MYH11: variants seen among roughly 807,000 people sequenced by gnomAD.
The protein encoded by MYH11 is myosin heavy chain 11, also known as myosin-11.
Under a neutral mutation model 246.6 loss-of-function variants are expected in MYH11, and 80 were observed. That is an observed-to-expected ratio of 0.32 (90% confidence interval 0.27 to 0.39). The LOEUF is 0.39. MYH11 is among the 10% of genes least tolerant of loss of function. MYH11 has a pLI of 1.00. For missense variants in MYH11, 2,158 were observed against 2,546.8 expected, an observed-to-expected ratio of 0.85 and a Z score of 3.29; for synonymous variants, 1,071 against 1,015.5, an observed-to-expected ratio of 1.05 and a Z score of -1.04.
chr16:15,833,385 G>GGAAGGAAGGAAGGA (rs1567208143), intron 2 of MYH11, among the ~76,000 whole-genome samples: 59 of 110,598 alleles, frequency 5.3e-4, no homozygotes, highest in African/African-American at 1.7e-3. Flanking sequence ...GGGAGGGAGG[G>GGAAGGAAGGAAGGA]AGGAAGGAAG....
chr16:15,716,588 C>G (rs1366184539), intron 38 of MYH11, among the ~76,000 whole-genome samples: 1 of 152,098 alleles, frequency 6.6e-6, no homozygotes, highest in African/African-American at 2.4e-5. Context: ...GTGGCACAAT[C>G]TCGGCTCACT....
intron 12 of MYH11, 59 bp downstream of exon 12, chr16:15,759,517 A>G (rs2041816926): frequency 1.2e-6 from 2 of 1,612,474 alleles, no homozygotes; most frequent in Non-Finnish European, 1.7e-6. Flanking sequence ...GACTCCTCCA[A>G]GAAAAAGCCC....
Position 15,721,144 on chromosome 16 carries a change from G to T in MYH11, c.4579-93C>A, listed in dbSNP as rs1012733504. Reference sequence around the variant, plus strand: ...GTGAGCGGCACCTCAGGAGATCAGGGAGGTGGCTTTGGCCTCCCACAGGAT... The same window carrying T: ...GTGAGCGGCACCTCAGGAGATCAGGTAGGTGGCTTTGGCCTCCCACAGGAT... On this transcript the variant is annotated intron_variant, in intron 32 of 40. Coordinates refer to ENST00000300036, the MANE Select transcript of MYH11 (RefSeq NM_002474.3). The T allele has an allele frequency of 7.7e-6, 11 of 1,431,288 alleles. No homozygotes were observed. The South Asian group carries it at 1.3e-4, about 17-fold the overall frequency. 88.7% of individuals were successfully genotyped at this position (1,431,288 alleles called of 1,614,324 possible). A position where few individuals can be genotyped will look rare whatever the true frequency, so the allele number is the denominator to read the frequency against.
chr16:15,744,121 A>G (rs906183733), intron 20 of MYH11, among the ~76,000 whole-genome samples: 2 of 144,780 alleles, frequency 1.4e-5, no homozygotes, highest in African/African-American at 5.0e-5. Flanking sequence ...TGCAAAAAGT[A>G]AAAAAAAAAA....
intron 31 of MYH11, among the ~76,000 whole-genome samples, chr16:15,722,594 T>C (rs1212126431): frequency 6.6e-6 from 1 of 152,014 alleles, no homozygotes; most frequent in Non-Finnish European, 1.5e-5. Flanking sequence ...TAACGAAGCA[T>C]TGAAGATGAG....
chr16:15,708,368 G>T (rs1056109671), intron 40 of MYH11, among the ~76,000 whole-genome samples: 2 of 152,176 alleles, frequency 1.3e-5, no homozygotes, highest in South Asian at 4.1e-4. Context: ...ACGTTCTCCA[G>T]GAATGTGCCC....
intron 5 of MYH11, 89 bp downstream of exon 5, chr16:15,786,541 G>T: frequency 8.0e-7 from 1 of 1,246,670 alleles, no homozygotes. Context: ...CTGAGTTCTT[G>T]CAATGATGTT....
intron 4 of MYH11, among the ~76,000 whole-genome samples, chr16:15,793,705 C>T (rs560310414): frequency 1.9e-4 from 28 of 150,302 alleles, no homozygotes; most frequent in Admixed American, 1.4e-3. Flanking sequence ...CTGCAAGCTC[C>T]GCCCCCCAGG....
chr16:15,715,090 G>T lies in MYH11; in HGVS notation c.5614-9C>A. 1 of 1,612,556 alleles carries T rather than the reference G, an allele frequency of 6.2e-7. No individual in the cohort carries two copies. Among genetic ancestry groups the T allele is most frequent in the Non-Finnish European group, 8.5e-7 (1 of 1,179,926 alleles). Reference sequence around the variant, plus strand: ...GCATTGCCTTTCTCTGCCTGTCGCGGAGAGTTGGAGGGGTGGTTAGGGGAG... The same window carrying T: ...GCATTGCCTTTCTCTGCCTGTCGCGTAGAGTTGGAGGGGTGGTTAGGGGAG... On this transcript the variant is annotated splice_polypyrimidine_tract_variant and intron_variant, in intron 39 of 40. Transcript: ENST00000300036.
intron 26 of MYH11, among the ~76,000 whole-genome samples, chr16:15,733,612 AG>A (rs2041031056): frequency 6.7e-6 from 1 of 148,634 alleles, no homozygotes; most frequent in African/African-American, 2.5e-5. Context: ...GAATGATGTC[AG>A]CTCACTGCAA....
rs762269040 is a variant in MYH11 at position 15,719,312 on chromosome 16, G to A, written c.5083-4C>T. 1.2e-6 allele frequency: 2 copies of A among 1,610,098 alleles called. No individual in the cohort carries two copies. The highest frequency in any genetic ancestry group is 1.7e-6 in the Non-Finnish European group (2 of 1,179,940). On this transcript the variant is annotated splice_region_variant and splice_polypyrimidine_tract_variant and intron_variant, in intron 35 of 40. Transcript: ENST00000300036. Reference sequence around the variant, plus strand: ...CCCTCTCAGCGGCGGCGAGGTCCTAGGTGGGAGGGAGGAAGGCTGTTGTCT... The same window carrying A: ...CCCTCTCAGCGGCGGCGAGGTCCTAAGTGGGAGGGAGGAAGGCTGTTGTCT...
chr16:15,760,362 ATG>A (rs1337884865), intron 11 of MYH11, among the ~76,000 whole-genome samples, 176 bp downstream of exon 11: 1 of 151,768 alleles, frequency 6.6e-6, no homozygotes, highest in African/African-American at 2.4e-5. Flanking sequence ...GGATGGATGG[ATG>A]GATGGATGAA....
intron 14 of MYH11, among the ~76,000 whole-genome samples, chr16:15,754,675 G>A (rs1018122392): frequency 6.6e-6 from 1 of 151,942 alleles, no homozygotes; most frequent in East Asian, 1.9e-4. Context: ...TGTTTGTTTT[G>A]GTTTTTGAGA....
At chr16:15,735,216 A>C in intron 26 of MYH11, 150 bp downstream of exon 26, 1 of 815,026 alleles carries the variant, frequency 1.2e-6, no homozygotes, top group South Asian at 1.5e-5. Flanking sequence ...GAAACAGCCA[A>C]CCATGCTTCT....
Position 15,719,116 on chromosome 16 carries a change from A to G in MYH11, c.5171+104T>C, listed in dbSNP as rs192544901. The stretch of plus-strand genomic sequence containing the variant: ...GCCCTCCAGCCTGGGTGACAGAATG[A>G]AACTCTGTCTCGAAAAAATTTAAAA... On this transcript the variant is annotated intron_variant, in intron 36 of 40. Transcript: ENST00000300036. The G allele has an allele frequency of 6.3e-5, 72 of 1,146,856 alleles. No homozygotes were observed. In the Admixed American group the frequency reaches 6.6e-4, roughly 11 times the overall value. 71.0% of individuals were successfully genotyped at this position (1,146,856 alleles called of 1,614,324 possible).
intron 13 of MYH11, 73 bp downstream of exon 13, chr16:15,757,754 C>G: frequency 6.3e-7 from 1 of 1,589,604 alleles, no homozygotes; most frequent in South Asian, 1.1e-5. Flanking sequence ...AGTGTGGGGT[C>G]CACGTCGGCT....
intron 1 of MYH11, among the ~76,000 whole-genome samples, chr16:15,851,414 T>A (rs1055948867): frequency 1.3e-5 from 2 of 152,248 alleles, no homozygotes; most frequent in Admixed American, 1.3e-4. Flanking sequence ...CATCACCTGC[T>A]ATTGCTATTT....
chr16:15,728,525 T>C (rs531396797), intron 27 of MYH11, among the ~76,000 whole-genome samples: 4 of 152,228 alleles, frequency 2.6e-5, no homozygotes, highest in African/African-American at 7.2e-5. Context: ...TGATTGACAC[T>C]GCTACTTCTG....
intron 9 of MYH11, among the ~76,000 whole-genome samples, chr16:15,770,859 A>G (rs916199210): frequency 3.3e-5 from 5 of 152,200 alleles, no homozygotes; most frequent in Non-Finnish European, 7.3e-5. Flanking sequence ...TAAGGGCTGG[A>G]ACCCAGCTAT....
Sources: allele counts gnomAD v4.1 joint callset (sites outside exome capture counted in the v4.1 genomes callset), GRCh38; gene constraint gnomAD v4.1.1; transcripts MANE v1.5; gene names NCBI Gene and HGNC (gene_info 2026-07-23, HGNC 2026-07-21).